Variants in TSC22D2 observed in about 807,000 individuals in gnomAD.
TSC22D2 encodes the protein TSC22 domain family protein 2.
In TSC22D2, 5 loss-of-function variants were observed where a neutral mutation model predicts 50.1. The ratio of observed to expected loss-of-function variants is 0.10; its 90% confidence interval spans 0.05 to 0.21. The LOEUF (loss-of-function observed/expected upper bound fraction) is 0.21. TSC22D2 is among the 10% of genes least tolerant of loss of function. The pLI is 1.00. For missense variants in TSC22D2, 1,003 were observed against 1,015.5 expected, an observed-to-expected ratio of 0.99 and a Z score of 0.17; for synonymous variants, 501 against 450.1, an observed-to-expected ratio of 1.11 and a Z score of -1.43.
rs931027587 is a variant in TSC22D2, at chr3:150,464,841, C to G, written c.*6205C>G. The G allele has an allele frequency of 6.6e-6, 1 of 152,094 alleles. No individual in the cohort carries two copies. Among genetic ancestry groups the G allele is most frequent in the Non-Finnish European group, 1.5e-5 (1 of 68,010 alleles). The allele number at this position is 152,094 out of a possible 1,614,324, so 9.4% of individuals were successfully genotyped here. On this transcript the variant is annotated 3_prime_UTR_variant, in exon 3 of 3. Coordinates refer to ENST00000688009, the MANE Select transcript of TSC22D2 (RefSeq NM_001303264.2). ...GAAAAGTTTACACATTTTTAATACT[C>G]TAAGTTGTAGATAATGAAATTGATT...
At chr3:150,450,309 C>T (rs1721002768) in intron 1 of TSC22D2, among the ~76,000 whole-genome samples, 1 of 152,050 alleles carries the variant, frequency 6.6e-6, no homozygotes, top group African/African-American at 2.4e-5. Context: ...AGGCATTCAT[C>T]ACACCATTGC....
chr3:150,443,535 A>G (rs946728270), intron 1 of TSC22D2, among the ~76,000 whole-genome samples: 5 of 152,230 alleles, frequency 3.3e-5, no homozygotes, highest in African/African-American at 4.8e-5. Context: ...CTTCATGGGA[A>G]ACCTTTATAT....
Position 150,458,866 on chromosome 3 carries a change from G to T in TSC22D2, c.*230G>T. Reference sequence around the variant, plus strand: ...GTACACAAGGAGAATAATAGATGGGGTTTATTAAAGCGAGCAAAGTCTGCA... The same window carrying T: ...GTACACAAGGAGAATAATAGATGGGTTTTATTAAAGCGAGCAAAGTCTGCA... On this transcript the variant is annotated 3_prime_UTR_variant, in exon 3 of 3. Coordinates refer to ENST00000688009, the MANE Select transcript of TSC22D2 (RefSeq NM_001303264.2). The T allele has an allele frequency of 4.1e-6, 2 of 483,304 alleles. No homozygotes were observed. The highest frequency in any genetic ancestry group is 7.1e-6 in the Non-Finnish European group (2 of 280,842). The allele number at this position is 483,304 out of a possible 1,614,324, so 29.9% of individuals were successfully genotyped here.
intron 1 of TSC22D2, among the ~76,000 whole-genome samples, chr3:150,445,404 T>C (rs752273855): frequency 2.2e-4 from 33 of 151,344 alleles, no homozygotes; most frequent in Non-Finnish European, 4.4e-4. Flanking sequence ...TTTATTAACA[T>C]ATACTTTGTG....
intron 1 of TSC22D2, among the ~76,000 whole-genome samples, chr3:150,448,682 C>T (rs1174837829): frequency 1.3e-5 from 2 of 152,064 alleles, no homozygotes; most frequent in Non-Finnish European, 2.9e-5. Context: ...ATTCTTATCT[C>T]TTCCATTTTG....
At chr3:150,456,260 T>C (rs1214009458) in intron 1 of TSC22D2, among the ~76,000 whole-genome samples, 2 of 151,486 alleles carry the variant, frequency 1.3e-5, no homozygotes, top group African/African-American at 4.9e-5. Flanking sequence ...TGATCTCGGC[T>C]CACTGCAGCC....
Position 150,458,822 on chromosome 3 carries a change from G to GACATAGAACTGGACA in TSC22D2, c.*186_*187insACATAGAACTGGACA. On this transcript the variant is annotated 3_prime_UTR_variant, in exon 3 of 3. Transcript: ENST00000688009. ...TGAGATGTCATGCAGCGCTGTTGAT[G>GACATAGAACTGGACA]TCCAGTTCTATGTCATCAGTACACA... 2.9e-6 allele frequency: 2 copies of GACATAGAACTGGACA among 690,238 alleles called. No individual in the cohort carries two copies. The highest frequency in any genetic ancestry group is 1.8e-5 in the African/African-American group (1 of 55,404). 42.8% of individuals were successfully genotyped at this position (690,238 alleles called of 1,614,324 possible). A position where few individuals can be genotyped will look rare whatever the true frequency, so the allele number is the denominator to read the frequency against.
intron 1 of TSC22D2, among the ~76,000 whole-genome samples, chr3:150,412,077 T>C (rs979747477): frequency 1.1e-4 from 17 of 152,148 alleles, no homozygotes; most frequent in Non-Finnish European, 1.5e-5. Flanking sequence ...TGTTAATAAT[T>C]GGCTCCCTGT....
Position 150,459,573 on chromosome 3 carries a change from T to G in TSC22D2, c.*937T>G, listed in dbSNP as rs1380779782. Reference sequence around the variant, plus strand: ...AATGGAGTTTGGTTTTTTTTTGTTGTTTTTTTTTTTTTGTCTTTTTTTTTT... The same window carrying G: ...AATGGAGTTTGGTTTTTTTTTGTTGGTTTTTTTTTTTTGTCTTTTTTTTTT... On this transcript the variant is annotated 3_prime_UTR_variant, in exon 3 of 3. Transcript: ENST00000688009. The G allele has an allele frequency of 2.9e-4, 12 of 41,476 alleles. No individual in the cohort carries two copies. The highest frequency in any genetic ancestry group is 5.6e-4 in the Non-Finnish European group (10 of 17,956). 2.6% of individuals were successfully genotyped at this position (41,476 alleles called of 1,614,324 possible).
In TSC22D2 at chr3:150,422,960, A is replaced by G. The variant is rs149343186; in HGVS notation, c.1958+11652A>G. 1,920 of 957,260 alleles carry G rather than the reference A, an allele frequency of 2.0e-3. 27 individuals carry two copies. The African/African-American group carries it at 0.029, about 14-fold the overall frequency. 59.3% of individuals were successfully genotyped at this position (957,260 alleles called of 1,614,324 possible). A position where few individuals can be genotyped will look rare whatever the true frequency, so the allele number is the denominator to read the frequency against. ...ATTATTAAAAGTTACACTGTATTAG[A>G]AATCTAAAATCTTCCATCTTCTTTT... On this transcript the variant is annotated intron_variant, in intron 1 of 2. Transcript: ENST00000688009.
chr3:150,462,272 A>G lies in TSC22D2; in HGVS notation c.*3636A>G, dbSNP rs1353788155. ...AACAAGGCTCCTAGGGCAGCCACAG[A>G]ATTGCATTGGAGACAGGCAGGCAGT... is the stretch of plus-strand genomic sequence containing the variant. On this transcript the variant is annotated 3_prime_UTR_variant, in exon 3 of 3. Transcript: ENST00000688009. The G allele has an allele frequency of 6.6e-6, 1 of 152,206 alleles. No homozygotes were observed. Among genetic ancestry groups the G allele is most frequent in the African/African-American group, 2.4e-5 (1 of 41,434 alleles). The allele number at this position is 152,206 out of a possible 1,614,324, so 9.4% of individuals were successfully genotyped here.
At chr3:150,411,452 TTGCTGA>T (rs1420896981) in intron 1 of TSC22D2, 144 bp downstream of exon 1, 6 of 864,190 alleles carry the variant, frequency 6.9e-6, no homozygotes, top group East Asian at 5.3e-5. Flanking sequence ...TTGATTTAGA[TTGCTGA>T]TGCTGATGTC....
Position 150,464,609 on chromosome 3 carries a change from A to G in TSC22D2, c.*5973A>G, listed in dbSNP as rs1296812540. 2 of 152,146 alleles carry G rather than the reference A, an allele frequency of 1.3e-5. No homozygotes were observed. The highest frequency in any genetic ancestry group is 4.8e-5 in the African/African-American group (2 of 41,432). 9.4% of individuals were successfully genotyped at this position (152,146 alleles called of 1,614,324 possible). A position where few individuals can be genotyped will look rare whatever the true frequency, so the allele number is the denominator to read the frequency against. ...TCAGAGTATATGTTATAGTTTGTGA[A>G]CCTTATATCATTTGTTAAATGAAAG... On this transcript the variant is annotated 3_prime_UTR_variant, in exon 3 of 3. Coordinates refer to ENST00000688009, the MANE Select transcript of TSC22D2 (RefSeq NM_001303264.2).
chr3:150,440,456 T>A (rs1442790487), intron 1 of TSC22D2, among the ~76,000 whole-genome samples: 2 of 148,758 alleles, frequency 1.3e-5, no homozygotes, highest in Non-Finnish European at 2.9e-5. Flanking sequence ...TATGTGTATT[T>A]TTTTTTTTAG....
At chr3:150,431,625 A>G (rs992335136) in intron 1 of TSC22D2, among the ~76,000 whole-genome samples, 2 of 152,152 alleles carry the variant, frequency 1.3e-5, no homozygotes, top group Non-Finnish European at 2.9e-5. Context: ...AAATACTAGG[A>G]AAAAAATGTA....
intron 1 of TSC22D2, among the ~76,000 whole-genome samples, chr3:150,428,383 A>G (rs1171100249): frequency 6.6e-6 from 1 of 152,064 alleles, no homozygotes; most frequent in Non-Finnish European, 1.5e-5. Context: ...TGAAAGCTTT[A>G]TATATTCCCT....
intron 1 of TSC22D2, among the ~76,000 whole-genome samples, chr3:150,453,760 CAT>C (rs1236662594): frequency 3.3e-5 from 5 of 152,288 alleles, no homozygotes; most frequent in African/African-American, 1.2e-4. Context: ...TCAAATCTAT[CAT>C]ATCTAATTAC....
chr3:150,437,584 C>T (rs1029246085), intron 1 of TSC22D2, among the ~76,000 whole-genome samples: 2 of 151,368 alleles, frequency 1.3e-5, no homozygotes, highest in Admixed American at 6.6e-5. Context: ...AGGCAGATCA[C>T]GAGGTCAGAG....
Position 150,410,622 on chromosome 3 carries a change from G to C in TSC22D2, c.1272G>C (p.Ala424=). ...GCCAGAATGCTTCCTCGGTGGGCGC[G>C]CAGCTCATGGGCGCGTCTTCCCAGC... ...GTGQNASSVG[A]QLMGASSQPS... is the part of the protein sequence containing the mutation. Residue 424 remains alanine (A), a synonymous_variant, in exon 1 of 3, where the codon GCG becomes GCC. Coordinates refer to ENST00000688009, the MANE Select transcript of TSC22D2 (RefSeq NM_001303264.2). 6.4e-7 allele frequency: 1 copy of C among 1,553,664 alleles called. No homozygotes were observed. The highest frequency in any genetic ancestry group is 8.7e-7 in the Non-Finnish European group (1 of 1,151,662).
Sources: gnomAD v4.1 joint callset for allele counts (sites outside exome capture counted in the v4.1 genomes callset) on GRCh38, gnomAD v4.1.1 for gene constraint, MANE v1.5 for transcripts, NCBI Gene and HGNC (gene_info 2026-07-23, HGNC 2026-07-21) for gene names.